The following NRG3 variants were observed in gnomAD, a reference collection of about 807,000 sequenced individuals.
NRG3 encodes the protein pro-neuregulin-3, membrane-bound isoform.
NRG3 carries 31 observed loss-of-function variants against 66.9 expected under a neutral mutation model. The ratio of observed to expected loss-of-function variants is 0.46; its 90% CI spans 0.35 to 0.63. NRG3 has a LOEUF of 0.63. NRG3 is among the 20% of genes least tolerant of loss of function. The pLI is 0.00. For missense variants in NRG3, 910 were observed against 878.9 expected (o/e 1.04, Z -0.45); for synonymous variants, 393 against 359.4 (o/e 1.09, Z -1.06).
intron 3 of NRG3, among the ~76,000 whole-genome samples, chr10:82,742,626 CAG>C (rs1201451902): frequency 1.3e-5 from 2 of 152,078 alleles, no homozygotes. Flanking sequence ...AGACTTTGGT[CAG>C]AGTCAAGAGG....
In NRG3 at chr10:82,227,330, C is replaced by T. The variant is rs541451222; in HGVS notation, c.824-131409C>T. Among the ~76,000 whole-genome samples, 11 of 152,182 alleles carry T rather than the reference C, an allele frequency of 7.2e-5. 1 individual carries two copies. The South Asian group carries it at 2.3e-3, about 32-fold the overall frequency. On this transcript the variant is annotated intron_variant, in intron 1 of 8. Coordinates refer to ENST00000372141, the MANE Select transcript of NRG3 (RefSeq NM_001010848.4). ...TCTCTGTCTTTATAGAGTCTCATTG[C>T]AGGAATACTTACTAAGCTCCTGAAA...
At chr10:82,560,131 C>T (rs1469951320) in intron 2 of NRG3, among the ~76,000 whole-genome samples, 4 of 150,910 alleles carry the variant, frequency 2.7e-5, no homozygotes, top group African/African-American at 9.7e-5. Context: ...CTCATTTTTG[C>T]TTTGAGGAAT....
chr10:82,281,728 AG>A (rs2079131045), intron 1 of NRG3, among the ~76,000 whole-genome samples: 1 of 152,150 alleles, frequency 6.6e-6, no homozygotes, highest in Non-Finnish European at 1.5e-5. Flanking sequence ...ATGAGAATCA[AG>A]GGAGGGCAGA....
chr10:82,838,410 C>A (rs191612122), intron 3 of NRG3, among the ~76,000 whole-genome samples: 165 of 152,162 alleles, frequency 1.1e-3, no homozygotes, highest in Non-Finnish European at 1.5e-3. Context: ...ATTTTTAAAC[C>A]TCTCATTTTA....
intron 1 of NRG3, among the ~76,000 whole-genome samples, chr10:82,284,800 G>GT (rs1388893890): frequency 6.6e-6 from 1 of 152,042 alleles, no homozygotes; most frequent in African/African-American, 2.4e-5. Flanking sequence ...CATCACATGT[G>GT]TTTCATGTGA....
At chr10:82,383,451 A>T (rs2211633) in intron 2 of NRG3, among the ~76,000 whole-genome samples, 1 of 151,870 alleles carries the variant, frequency 6.6e-6, no homozygotes, top group African/African-American at 2.4e-5. Context: ...TTTCTTTAGC[A>T]TTGACTCATT....
At chr10:82,257,072 G>T (rs2077768801) in intron 1 of NRG3, among the ~76,000 whole-genome samples, 1 of 152,152 alleles carries the variant, frequency 6.6e-6, no homozygotes, top group Non-Finnish European at 1.5e-5. Flanking sequence ...TCCAATTGTG[G>T]ACCTGATTGC....
chr10:82,900,297 C>G (rs1844090016), intron 4 of NRG3, among the ~76,000 whole-genome samples: 2 of 152,124 alleles, frequency 1.3e-5, no homozygotes. Context: ...GACACGCATC[C>G]AATCTGGATT....
intron 1 of NRG3, among the ~76,000 whole-genome samples, chr10:82,177,567 GT>G (rs1450846171): frequency 2.6e-5 from 4 of 152,026 alleles, no homozygotes; most frequent in South Asian, 2.1e-4. Flanking sequence ...AGCCTAGAAA[GT>G]TTAGATTCTT....
intron 2 of NRG3, among the ~76,000 whole-genome samples, chr10:82,585,179 T>A (rs187723995): frequency 2.0e-4 from 31 of 152,216 alleles, no homozygotes; most frequent in African/African-American, 3.6e-4. Context: ...GTTTTTTTTT[T>A]AATCTTAATT....
At chr10:82,433,173 G>A (rs1371832346) in intron 2 of NRG3, among the ~76,000 whole-genome samples, 2 of 152,104 alleles carry the variant, frequency 1.3e-5, no homozygotes, top group African/African-American at 2.4e-5. Context: ...GGTGTGAGAT[G>A]GTATCTCATT....
intron 2 of NRG3, among the ~76,000 whole-genome samples, chr10:82,569,942 G>T (rs952296935): frequency 2.6e-5 from 4 of 151,538 alleles, no homozygotes; most frequent in Non-Finnish European, 5.9e-5. Context: ...ATTTTCCAGT[G>T]TTTATTTTTT....
At chr10:81,908,074 T>G (rs1844763743) in intron 1 of NRG3, among the ~76,000 whole-genome samples, 1 of 152,238 alleles carries the variant, frequency 6.6e-6, no homozygotes, top group African/African-American at 2.4e-5. Context: ...TGCGCTCTCA[T>G]AATTCCAAAG....
intron 2 of NRG3, among the ~76,000 whole-genome samples, chr10:82,551,691 C>T (rs1329652333): frequency 1.3e-5 from 2 of 151,852 alleles, no homozygotes; most frequent in Non-Finnish European, 2.9e-5. Context: ...AGCTTTGCAA[C>T]CACCATAGCG....
chr10:82,558,403 C>T (rs1221273165), intron 2 of NRG3, among the ~76,000 whole-genome samples: 1 of 152,110 alleles, frequency 6.6e-6, no homozygotes, highest in South Asian at 2.1e-4. Flanking sequence ...AACCCTAAGC[C>T]ATGACTCAGC....
At chr10:82,304,870 G>A (rs2080623034) in intron 1 of NRG3, among the ~76,000 whole-genome samples, 1 of 151,872 alleles carries the variant, frequency 6.6e-6, no homozygotes. Context: ...CTATACTCAA[G>A]GGGAGGGATT....
intron 3 of NRG3, among the ~76,000 whole-genome samples, chr10:82,839,421 T>A (rs1388927737): frequency 6.6e-6 from 1 of 151,974 alleles, no homozygotes; most frequent in African/African-American, 2.4e-5. Context: ...TCTAATAGCA[T>A]TTTTTATTTA....
chr10:82,558,347 G>A (rs980759051), intron 2 of NRG3, among the ~76,000 whole-genome samples: 2 of 151,976 alleles, frequency 1.3e-5, no homozygotes, highest in Non-Finnish European at 2.9e-5. Flanking sequence ...AAACCCCTTG[G>A]GTGTCTCTCA....
At chr10:82,086,665 GCTGTGGCTTCCTGGTT>G (rs2065746337) in intron 1 of NRG3, among the ~76,000 whole-genome samples, 1 of 152,110 alleles carries the variant, frequency 6.6e-6, no homozygotes, top group African/African-American at 2.4e-5. Flanking sequence ...TCTGCTGTTT[GCTGTGGCTTCCTGGTT>G]CTGTGAATTA....
Sources: gnomAD v4.1 joint callset for allele counts (sites outside exome capture counted in the v4.1 genomes callset) on GRCh38, gnomAD v4.1.1 for gene constraint, MANE v1.5 for transcripts, NCBI Gene and HGNC (gene_info 2026-07-23, HGNC 2026-07-21) for gene names.